PIK3C2G: variants seen among roughly 807,000 people sequenced by gnomAD.
PIK3C2G encodes the protein phosphatidylinositol-4-phosphate 3-kinase catalytic subunit type 2 gamma, also known as phosphatidylinositol 3-kinase C2 domain-containing subunit gamma.
Under a neutral mutation model 181.1 loss-of-function variants are expected in PIK3C2G, and 168 were observed. That is an observed-to-expected ratio of 0.93 (90% CI 0.82 to 1.05). The LOEUF (loss-of-function observed/expected upper bound fraction) is 1.05. Among genes scored for constraint, PIK3C2G ranks in the 50% least tolerant of loss-of-function variants. The probability of loss-of-function intolerance (pLI) is 0.00; values close to 1 mark genes in which losing one functional copy is unlikely to be tolerated. For synonymous variants in PIK3C2G, 573 were observed against 592.2 expected (o/e 0.97, Z 0.47); for missense variants, 1,869 against 1,732.8 (o/e 1.08, Z -1.40).
chr12:18,452,412 T>C (rs1271619628), intron 18 of PIK3C2G, among the ~76,000 whole-genome samples: 3 of 152,180 alleles, frequency 2.0e-5, no homozygotes, highest in African/African-American at 7.2e-5. Context: ...GGATCAGTGG[T>C]GATATCCCCT....
chr12:18,642,670 T>C (rs762291765), intron 32 of PIK3C2G, among the ~76,000 whole-genome samples: 2 of 152,150 alleles, frequency 1.3e-5, no homozygotes, highest in Non-Finnish European at 2.9e-5. Flanking sequence ...TTTCTTCTAG[T>C]ATATCATAAA....
chr12:18,649,172 C>T (rs1194855839), downstream of PIK3C2G, among the ~76,000 whole-genome samples: 1 of 152,030 alleles, frequency 6.6e-6, no homozygotes, highest in Non-Finnish European at 1.5e-5. Flanking sequence ...CTCAGCAACT[C>T]CTCCCCTAAT....
intron 3 of PIK3C2G, among the ~76,000 whole-genome samples, chr12:18,289,728 T>C (rs1949606470): frequency 6.6e-6 from 1 of 152,174 alleles, no homozygotes; most frequent in Non-Finnish European, 1.5e-5. Context: ...GGTGAATGTG[T>C]ATTTACTTAC....
At position 18,469,725 on chromosome 12, in the gene PIK3C2G, T is replaced by C. The variant is rs118098618; in HGVS notation, c.2505-18724T>C. On this transcript the variant is annotated intron_variant, in intron 18 of 32. Transcript: ENST00000538779. The stretch of plus-strand genomic sequence containing the variant: ...TATTATCTTTTGATATTACATTTTA[T>C]TTTTCTCCACAAAAGATGAATGTAT... 1.0e-3 allele frequency among the ~76,000 whole-genome samples: 153 copies of C among 152,004 alleles called. No homozygotes were observed. The East Asian group carries it at 0.023, about 23-fold the overall frequency.
chr12:18,503,265 T>C lies in PIK3C2G; in HGVS notation c.3017-16T>C, dbSNP rs1941619173. 1.3e-6 allele frequency: 2 copies of C among 1,579,992 alleles called. No individual in the cohort carries two copies. Among genetic ancestry groups the C allele is most frequent in the Non-Finnish European group, 1.7e-6 (2 of 1,165,830 alleles). Reference sequence around the variant, plus strand: ...GATGAAGGAATTGTCTCTGTAATCTTTTTTTTCTCTACCAGGATTGGTGCA... The same window carrying C: ...GATGAAGGAATTGTCTCTGTAATCTCTTTTTTCTCTACCAGGATTGGTGCA... On this transcript the variant is annotated splice_polypyrimidine_tract_variant and intron_variant, in intron 22 of 32. Transcript: ENST00000538779.
At chr12:18,636,365 G>A (rs1180924707) in intron 31 of PIK3C2G, among the ~76,000 whole-genome samples, 1 of 152,090 alleles carries the variant, frequency 6.6e-6, no homozygotes, top group South Asian at 2.1e-4. Flanking sequence ...CCAAGCAGCT[G>A]GGATTACAAG....
At chr12:18,304,740 A>G (rs1393116147) in intron 5 of PIK3C2G, among the ~76,000 whole-genome samples, 1 of 152,186 alleles carries the variant, frequency 6.6e-6, no homozygotes, top group Non-Finnish European at 1.5e-5. Flanking sequence ...GGGGAAGAAG[A>G]GTCTTTTTTC....
chr12:18,646,589 C>T (rs527630855), intron 32 of PIK3C2G, among the ~76,000 whole-genome samples: 7 of 152,076 alleles, frequency 4.6e-5, no homozygotes, highest in Non-Finnish European at 1.0e-4. Flanking sequence ...GGGAGGCCAC[C>T]CAGTGAACTC....
At chr12:18,285,171 A>T (rs571195114) in intron 2 of PIK3C2G, 2 of 152,296 alleles carry the variant, frequency 1.3e-5, no homozygotes, top group East Asian at 3.9e-4. Context: ...TGAATGAAAG[A>T]AAACTTGTCA....
intron 29 of PIK3C2G, among the ~76,000 whole-genome samples, chr12:18,567,547 A>G (rs930014792): frequency 1.1e-4 from 17 of 151,974 alleles, no homozygotes; most frequent in African/African-American, 4.1e-4. Flanking sequence ...CAATGAAATA[A>G]TATGTGATAA....
chr12:18,708,795 G>C, the PIK3C2G span, among the ~76,000 whole-genome samples: 1 of 151,984 alleles, frequency 6.6e-6, no homozygotes, highest in Non-Finnish European at 1.5e-5. Flanking sequence ...ATACTTGTTG[G>C]CCATTTTTAT....
At chr12:18,255,294 A>T (rs995672546) in intron 1 of PIK3C2G, among the ~76,000 whole-genome samples, 5 of 152,058 alleles carry the variant, frequency 3.3e-5, no homozygotes, top group African/African-American at 1.2e-4. Flanking sequence ...AAAAAGAAAT[A>T]GTTTGAGTCT....
At chr12:18,657,736 G>T in the PIK3C2G span, among the ~76,000 whole-genome samples, 1 of 152,040 alleles carries the variant, frequency 6.6e-6, no homozygotes, top group African/African-American at 2.4e-5. Context: ...TTCTAGAGTT[G>T]CCACACTATA....
intron 18 of PIK3C2G, among the ~76,000 whole-genome samples, chr12:18,432,151 C>T (rs1242302488): frequency 6.6e-6 from 1 of 152,090 alleles, no homozygotes; most frequent in African/African-American, 2.4e-5. Flanking sequence ...AATTTGGTGT[C>T]ATTTAAGCCT....
intron 18 of PIK3C2G, among the ~76,000 whole-genome samples, chr12:18,436,632 G>A (rs916431605): frequency 2.6e-5 from 4 of 151,906 alleles, no homozygotes; most frequent in Admixed American, 6.6e-5. Context: ...CCACATACAT[G>A]TGTATTGCCT....
At chr12:18,575,445 G>T (rs970179360) in intron 29 of PIK3C2G, among the ~76,000 whole-genome samples, 2 of 152,084 alleles carry the variant, frequency 1.3e-5, no homozygotes, top group African/African-American at 4.8e-5. Flanking sequence ...TTTAAATATG[G>T]TCAGTCATTT....
At chr12:18,725,449 A>G in the PIK3C2G span, among the ~76,000 whole-genome samples, 1 of 152,184 alleles carries the variant, frequency 6.6e-6, no homozygotes, top group African/African-American at 2.4e-5. Flanking sequence ...AGGATTTTTA[A>G]CTAACTCTAA....
At chr12:18,305,431 G>A (rs1029313264) in intron 5 of PIK3C2G, among the ~76,000 whole-genome samples, 2 of 152,082 alleles carry the variant, frequency 1.3e-5, no homozygotes. Context: ...AAGAAGACAT[G>A]GCAAATTACA....
Position 18,526,135 on chromosome 12 carries a change from TC to T in PIK3C2G, c.3324-12020del, listed in dbSNP as rs556142832. Among the ~76,000 whole-genome samples the T allele has an allele frequency of 1.9e-4, 29 of 152,290 alleles. No individual in the cohort carries two copies. The South Asian group carries it at 5.8e-3, about 30-fold the overall frequency. ...TCTAAATCTTCCCAATTTAAAACTA[TC>T]TTTTAACAAAAAAACTCCCTTAACA... On this transcript the variant is annotated intron_variant, in intron 24 of 32. Coordinates refer to ENST00000538779, the MANE Select transcript of PIK3C2G (RefSeq NM_001288772.2).
Sources: allele counts gnomAD v4.1 joint callset (sites outside exome capture counted in the v4.1 genomes callset), GRCh38; gene constraint gnomAD v4.1.1; transcripts MANE v1.5; gene names NCBI Gene and HGNC (gene_info 2026-07-23, HGNC 2026-07-21).